The following ARHGAP15 variants were observed in gnomAD, a reference collection of about 807,000 sequenced individuals.
The protein encoded by ARHGAP15 is Rho GTPase activating protein 15, also known as rho GTPase-activating protein 15.
In ARHGAP15, 51 loss-of-function variants were observed where a neutral mutation model predicts 63.7. That is an observed-to-expected ratio of 0.80 (90% confidence interval 0.64 to 1.01). The LOEUF is 1.01. ARHGAP15 is among the 50% of genes least tolerant of loss of function. ARHGAP15 has a pLI of 0.00. For synonymous variants in ARHGAP15, 191 were observed against 193.8 expected (o/e 0.99, Z 0.12); for missense variants, 560 against 564.6 (o/e 0.99, Z 0.08).
intron 8 of ARHGAP15, among the ~76,000 whole-genome samples, chr2:143,459,030 C>T (rs1690794546): frequency 6.6e-6 from 1 of 152,108 alleles, no homozygotes; most frequent in Non-Finnish European, 1.5e-5. Context: ...GCCAGCTGGT[C>T]TCAATGCTTG....
Position 143,576,438 on chromosome 2 carries a change from G to A in ARHGAP15, c.1003+19953G>A, listed in dbSNP as rs530852630. Among the ~76,000 whole-genome samples, 41 of 152,120 alleles carry A rather than the reference G, an allele frequency of 2.7e-4. 1 individual carries two copies. In the South Asian group the frequency reaches 3.7e-3, roughly 14 times the overall value. ...ATCCATAATGGATCACATTAATAAT[G>A]TATGGCACAGATATTATTTAAAAAG... On this transcript the variant is annotated intron_variant, in intron 11 of 13. Transcript: ENST00000295095.
At chr2:143,246,646 G>A (rs1209106281) in intron 5 of ARHGAP15, among the ~76,000 whole-genome samples, 2 of 151,954 alleles carry the variant, frequency 1.3e-5, no homozygotes, top group African/African-American at 4.8e-5. Flanking sequence ...AAGCAGATGA[G>A]AGCGATATCC....
At chr2:143,334,315 A>G (rs1320407496) in intron 6 of ARHGAP15, among the ~76,000 whole-genome samples, 4 of 152,184 alleles carry the variant, frequency 2.6e-5, no homozygotes, top group African/African-American at 7.2e-5. Context: ...TATAGAAAAT[A>G]CCTTTTTTCT....
chr2:143,372,911 C>T (rs1360474900), intron 6 of ARHGAP15, among the ~76,000 whole-genome samples: 2 of 149,980 alleles, frequency 1.3e-5, no homozygotes, highest in Admixed American at 6.6e-5. Flanking sequence ...AGTGAGTGGA[C>T]ACCTTTTAAA....
intron 12 of ARHGAP15, among the ~76,000 whole-genome samples, chr2:143,628,294 C>A (rs546526580): frequency 1.4e-4 from 21 of 152,242 alleles, no homozygotes; most frequent in East Asian, 1.2e-3. Context: ...CATGCAAGTA[C>A]TTGTGTCTTT....
intron 6 of ARHGAP15, among the ~76,000 whole-genome samples, chr2:143,356,401 C>T (rs534670092): frequency 1.3e-5 from 2 of 152,196 alleles, no homozygotes; most frequent in East Asian, 1.9e-4. Context: ...AACATGAAGG[C>T]ACCACCCCCC....
chr2:143,151,003 A>C (rs1028446444), intron 1 of ARHGAP15, among the ~76,000 whole-genome samples: 12 of 152,212 alleles, frequency 7.9e-5, no homozygotes, highest in Middle Eastern at 3.4e-3. Flanking sequence ...TCAGTGAGGA[A>C]TGAAAACATG....
intron 6 of ARHGAP15, among the ~76,000 whole-genome samples, chr2:143,284,604 C>T (rs763648669): frequency 9.9e-5 from 15 of 152,218 alleles, no homozygotes; most frequent in Non-Finnish European, 1.9e-4. Flanking sequence ...AGAATGGAGC[C>T]GTTCCAGTGC....
chr2:143,166,648 T>G (rs1690547146), intron 2 of ARHGAP15, among the ~76,000 whole-genome samples: 1 of 152,108 alleles, frequency 6.6e-6, no homozygotes, highest in Admixed American at 6.6e-5. Flanking sequence ...CCACAAATAC[T>G]TTACACTATG....
At chr2:143,541,237 T>TA (rs1695034043) in intron 10 of ARHGAP15, among the ~76,000 whole-genome samples, 1 of 152,246 alleles carries the variant, frequency 6.6e-6, no homozygotes, top group South Asian at 2.1e-4. Context: ...TCAGGTCCTT[T>TA]AAGGACTTCT....
chr2:143,573,062 T>C (rs997433151), intron 11 of ARHGAP15, among the ~76,000 whole-genome samples: 4 of 152,182 alleles, frequency 2.6e-5, no homozygotes, highest in Non-Finnish European at 4.4e-5. Flanking sequence ...TTCATTTTAC[T>C]GGGATGAGAA....
intron 6 of ARHGAP15, among the ~76,000 whole-genome samples, chr2:143,275,776 G>C (rs1681519000): frequency 6.6e-6 from 1 of 152,128 alleles, no homozygotes; most frequent in Non-Finnish European, 1.5e-5. Flanking sequence ...GTACTCTTTT[G>C]GTGATATGTG....
At chr2:143,480,616 TAAC>T (rs781780348) in intron 8 of ARHGAP15, 1 of 152,202 alleles carries the variant, frequency 6.6e-6, no homozygotes, top group Non-Finnish European at 1.5e-5. Flanking sequence ...AAAGTTTCAA[TAAC>T]TTAGTTTTTC....
intron 5 of ARHGAP15, among the ~76,000 whole-genome samples, chr2:143,249,270 T>C (rs553760935): frequency 6.6e-6 from 1 of 151,988 alleles, no homozygotes; most frequent in East Asian, 1.9e-4. Context: ...TTATACAATG[T>C]TTCAAAAAAA....
intron 6 of ARHGAP15, among the ~76,000 whole-genome samples, chr2:143,286,513 T>C (rs1177520647): frequency 6.6e-6 from 1 of 152,228 alleles, no homozygotes; most frequent in African/African-American, 2.4e-5. Flanking sequence ...ATATTCATGT[T>C]TGTGTGCATC....
chr2:143,496,058 T>A (rs999798635), intron 9 of ARHGAP15, among the ~76,000 whole-genome samples: 1 of 152,244 alleles, frequency 6.6e-6, no homozygotes, highest in Non-Finnish European at 1.5e-5. Flanking sequence ...TGTGTCATGA[T>A]TTAATATTAG....
intron 10 of ARHGAP15, among the ~76,000 whole-genome samples, chr2:143,555,608 T>C (rs1040985527): frequency 6.6e-6 from 1 of 152,106 alleles, no homozygotes; most frequent in Non-Finnish European, 1.5e-5. Context: ...GGAAAACAAG[T>C]GAATGATTAT....
chr2:143,162,342 C>T (rs1690329857), intron 2 of ARHGAP15: 1 of 151,896 alleles, frequency 6.6e-6, no homozygotes, highest in Non-Finnish European at 1.5e-5. Flanking sequence ...TTGAACTTAC[C>T]AGAAAAGTGA....
intron 10 of ARHGAP15, among the ~76,000 whole-genome samples, chr2:143,542,104 C>T (rs536530970): frequency 1.1e-4 from 16 of 152,298 alleles, no homozygotes; most frequent in African/African-American, 2.2e-4. Flanking sequence ...GCCTCGCTGC[C>T]GCCTTGCAGT....
Sources: gnomAD v4.1 joint callset for allele counts (sites outside exome capture counted in the v4.1 genomes callset) on GRCh38, gnomAD v4.1.1 for gene constraint, MANE v1.5 for transcripts, NCBI Gene and HGNC (gene_info 2026-07-23, HGNC 2026-07-21) for gene names.